WDR62: variants seen among roughly 807,000 people sequenced by gnomAD.
WDR62 encodes the protein WD repeat-containing protein 62.
In WDR62, 112 loss-of-function variants were observed where a neutral mutation model predicts 160.6. The ratio of observed to expected loss-of-function variants is 0.70; its 90% CI spans 0.60 to 0.82. The LOEUF (loss-of-function observed/expected upper bound fraction) is 0.82. WDR62 is among the 40% of genes least tolerant of loss of function. The pLI, the probability that WDR62 is intolerant of heterozygous loss-of-function variation, is 0.00. For synonymous variants in WDR62, 792 were observed against 815.1 expected (o/e 0.97, Z 0.48); for missense variants, 1,819 against 1,983.8 (o/e 0.92, Z 1.58).
In WDR62 at chr19:36,073,515, A is replaced by G. The variant is rs1163937117; in HGVS notation, c.1217A>G (p.Tyr406Cys). 2.5e-6 allele frequency: 4 copies of G among 1,613,500 alleles called. No individual in the cohort carries two copies. ...KVWSELFHSS[Y>C]VWNVEVYPEF... Reference sequence around the variant, plus strand: ...TGGTCAGAGCTCTTCCACAGCTCCTACGTTTGGAACGTGGAGGTGAGCCCC... The same window carrying G: ...TGGTCAGAGCTCTTCCACAGCTCCTGCGTTTGGAACGTGGAGGTGAGCCCC... The change falls in exon 9 of 32, where the codon TAC (tyrosine) becomes TGC (cysteine). Residue 406 changes from tyrosine (Y) to cysteine (C), a missense_variant. Tyr to Cys is a radical substitution (Grantham distance 194). Around this residue, in one of 3 missense-constraint regions of WDR62, gnomAD observed 934 missense variants for 1,157.2 expected, o/e 0.81. Coordinates refer to ENST00000401500, the MANE Select transcript of WDR62 (RefSeq NM_001083961.2).
intron 15 of WDR62, 85 bp downstream of exon 15, chr19:36,089,391 C>CA (rs1251271372): frequency 9.3e-6 from 15 of 1,607,242 alleles, no homozygotes; most frequent in Non-Finnish European, 1.2e-5. Context: ...CTCTGGTCCC[C>CA]AAGAAGCTGG....
chr19:36,059,747 C>A (rs1353947680), intron 2 of WDR62, among the ~76,000 whole-genome samples: 4 of 152,162 alleles, frequency 2.6e-5, no homozygotes, highest in African/African-American at 9.7e-5. Flanking sequence ...TAGGGCCTGA[C>A]AGACATTACC....
At position 36,060,032 on chromosome 19, in the gene WDR62, T is replaced by G. The variant is rs1345475316; in HGVS notation, c.332+2T>G. 1 of 1,614,178 alleles carries G rather than the reference T, an allele frequency of 6.2e-7. No homozygotes were observed. The highest frequency in any genetic ancestry group is 1.1e-5 in the South Asian group (1 of 91,082). ...GCAGCACATCTTTAACACCGCCAGG[T>G]AGGCTGAGGCCTGGGCCCGGGGCAG... On this transcript the variant is annotated splice_donor_variant, in intron 3 of 31. Coordinates refer to ENST00000401500, the MANE Select transcript of WDR62 (RefSeq NM_001083961.2). LOFTEE classifies it high-confidence loss of function.
In WDR62 at chr19:36,067,860, G is replaced by C; in HGVS notation, c.732G>C (p.Ser244=). ...GCACAGTGCCCCTTGTAGGGCGCTC[G>C]GGCATCCTGGGCGAGCTGCACAACA... ...VTSTVPLVGR[S]GILGELHNNI... is the part of the protein sequence containing the mutation. The change falls in exon 7 of 32, where the codon TCG becomes TCC. Residue 244 remains serine, a synonymous_variant. Transcript: ENST00000401500. 6.2e-7 allele frequency: 1 copy of C among 1,614,188 alleles called. No individual in the cohort carries two copies.
intron 22 of WDR62, 129 bp from the exon 23 acceptor site, chr19:36,100,619 C>G (rs769603226): frequency 3.6e-6 from 5 of 1,394,484 alleles, no homozygotes; most frequent in Non-Finnish European, 5.0e-6. Flanking sequence ...AAGCTGGTTG[C>G]GAGTGGAGGG....
rs768435637 is a variant in WDR62 at position 36,073,517 on chromosome 19, G to A, written c.1219G>A (p.Val407Ile). 38 of 1,613,276 alleles carry A rather than the reference G, an allele frequency of 2.4e-5. No individual in the cohort carries two copies. Among genetic ancestry groups the A allele is most frequent in the Admixed American group, 1.0e-4 (6 of 59,954 alleles). ...GTCAGAGCTCTTCCACAGCTCCTAC[G>A]TTTGGAACGTGGAGGTGAGCCCCCC... is the stretch of plus-strand genomic sequence containing the variant. The part of the protein sequence containing the change: ...VWSELFHSSY[V>I]WNVEVYPEFE... The change falls in exon 9 of 32, where the codon GTT becomes ATT. Residue 407 changes from valine to isoleucine, a missense_variant. Around this residue, in one of 3 missense-constraint regions of WDR62, gnomAD observed 934 missense variants for 1,157.2 expected, o/e 0.81. Coordinates refer to ENST00000401500, the MANE Select transcript of WDR62 (RefSeq NM_001083961.2).
chr19:36,108,671 T>C (rs964912236), downstream of WDR62, among the ~76,000 whole-genome samples: 4 of 151,790 alleles, frequency 2.6e-5, no homozygotes, highest in African/African-American at 4.8e-5. Flanking sequence ...CTAGGCAACA[T>C]AGCAAGACTC....
Position 36,103,593 on chromosome 19 carries a change from T to C in WDR62, c.3765T>C (p.Val1255=). 2.5e-6 allele frequency: 4 copies of C among 1,613,210 alleles called. No homozygotes were observed. Among genetic ancestry groups the C allele is most frequent in the Non-Finnish European group, 3.4e-6 (4 of 1,179,980 alleles). Reference sequence around the variant, plus strand: ...AGCCCCTCCGTAGGCCATCGTCCGTTGGGGAGCTGGCCTCCTTGGGCCAGG... The same window carrying C: ...AGCCCCTCCGTAGGCCATCGTCCGTCGGGGAGCTGGCCTCCTTGGGCCAGG... The part of the protein sequence containing the change: ...LAQPLRRPSS[V]GELASLGQEL... The change falls in exon 30 of 32, where the codon GTT becomes GTC. Residue 1255 remains valine, a synonymous_variant. Coordinates refer to ENST00000401500, the MANE Select transcript of WDR62 (RefSeq NM_001083961.2).
chr19:36,103,672 G>C lies in WDR62; in HGVS notation c.3844G>C (p.Glu1282Gln), dbSNP rs1242366944. 1 of 1,610,352 alleles carries C rather than the reference G, an allele frequency of 6.2e-7. No homozygotes were observed. The highest frequency in any genetic ancestry group is 8.5e-7 in the Non-Finnish European group (1 of 1,180,014). ...TTPSLDSEGQ[E>Q]PALRSWGNHE... ...ACCCAGTTTGGACAGTGAGGGCCAA[G>C]AGCCTGCCCTGCGTTCCTGGGGCAA... Residue 1282 changes from glutamate to glutamine, a missense_variant, in exon 30 of 32, where the codon GAG becomes CAG. By Grantham distance (29) the Glu-to-Gln change is conservative. This residue lies in a region of WDR62 where 770 missense variants were observed against 734.2 expected (regional missense o/e 1.05). Transcript: ENST00000401500.
In WDR62 at chr19:36,081,477, A is replaced by T. The variant is rs750179682; in HGVS notation, c.1278A>T (p.Gly426=). ...FEDQRACLPS[G]SFLTCSSDNT... is the part of the protein sequence containing the mutation. ...ACCAGAGAGCTTGTTTGCCATCAGG[A>T]TCCTTTCTGACTTGTTCTTCAGACA... The change falls in exon 10 of 32, where the codon GGA becomes GGT. Residue 426 remains glycine (G), a synonymous_variant. Transcript: ENST00000401500. The T allele has an allele frequency of 6.2e-7, 1 of 1,614,074 alleles. No homozygotes were observed. The highest frequency in any genetic ancestry group is 8.5e-7 in the Non-Finnish European group (1 of 1,180,010).
At position 36,065,011 on chromosome 19, in the gene WDR62, A is replaced by T. The variant is rs143993203; in HGVS notation, c.333-947A>T. On this transcript the variant is annotated intron_variant, in intron 3 of 31. Coordinates refer to ENST00000401500, the MANE Select transcript of WDR62 (RefSeq NM_001083961.2). ...GGGGAACTGGTAGGAAGCAGGGCAAAGGGTTCCCTTTGACGAGTATTTCAG... is the reference window on the plus strand; with the variant it reads ...GGGGAACTGGTAGGAAGCAGGGCAATGGGTTCCCTTTGACGAGTATTTCAG... Among the ~76,000 whole-genome samples the T allele has an allele frequency of 5.9e-5, 9 of 152,290 alleles. No homozygotes were observed. In the East Asian group the frequency reaches 1.7e-3, roughly 29 times the overall value.
At chr19:36,101,340 C>T (rs553145658) in intron 24 of WDR62, 23 bp downstream of exon 24, 1 of 1,589,536 alleles carries the variant, frequency 6.3e-7, no homozygotes, top group African/African-American at 1.3e-5. Context: ...CAGGCAGGGA[C>T]CCTGTGACAG....
chr19:36,066,113 C>T, intron 4 of WDR62, 98 bp downstream of exon 4: 3 of 1,572,364 alleles, frequency 1.9e-6, no homozygotes, highest in Non-Finnish European at 2.6e-6. Context: ...TGGAATAGCT[C>T]CTTCCTGGGC....
chr19:36,086,114 A>G lies in WDR62; in HGVS notation c.1643-573A>G, dbSNP rs373437583. On this transcript the variant is annotated intron_variant, in intron 12 of 31. Coordinates refer to ENST00000401500, the MANE Select transcript of WDR62 (RefSeq NM_001083961.2). Reference sequence around the variant, plus strand: ...TTCTTCTTTCGTTCTCTCATCCCCCATGCTGTGTGCCCCACCAACTTGTCT... The same window carrying G: ...TTCTTCTTTCGTTCTCTCATCCCCCGTGCTGTGTGCCCCACCAACTTGTCT... Among the ~76,000 whole-genome samples the G allele has an allele frequency of 7.9e-5, 12 of 151,876 alleles. No homozygotes were observed. In the East Asian group the frequency reaches 1.4e-3, roughly 17 times the overall value.
rs1052222804 is a variant in WDR62 at position 36,086,923 on chromosome 19, C to T, written c.1768+111C>T. 6.4e-6 allele frequency: 9 copies of T among 1,413,410 alleles called. No individual in the cohort carries two copies. The Admixed American group carries it at 8.0e-5, about 13-fold the overall frequency. The allele number at this position is 1,413,410 out of a possible 1,614,324, so 87.6% of individuals were successfully genotyped here. A position where few individuals can be genotyped will look rare whatever the true frequency, so the allele number is the denominator to read the frequency against. On this transcript the variant is annotated intron_variant, in intron 13 of 31. Coordinates refer to ENST00000401500, the MANE Select transcript of WDR62 (RefSeq NM_001083961.2). ...ATATCCAAACAAGTGAATACAGTAT[C>T]TGTGTACAGTATACAGAATAATGAC...
intron 9 of WDR62, chr19:36,075,851 AC>A (rs1971546428): frequency 3.3e-5 from 5 of 152,198 alleles, no homozygotes; most frequent in Admixed American, 3.3e-4. Context: ...TGGACTACTT[AC>A]GTGAAGAGAT....
intron 21 of WDR62, among the ~76,000 whole-genome samples, chr19:36,098,289 G>C (rs566924842): frequency 6.6e-6 from 1 of 151,804 alleles, no homozygotes; most frequent in Non-Finnish European, 1.5e-5. Flanking sequence ...AAAAGAGACC[G>C]GGTGCGGTGG....
At position 36,103,438 on chromosome 19, in the gene WDR62, G is replaced by A; in HGVS notation, c.3610G>A (p.Gly1204Ser). ...AACGCCCACATCTGCACCCACCCCA[G>A]GCCTGGCTCAGGGTGTCCATGCCCC... ...LPTPTSAPTP[G>S]LAQGVHAPST... Residue 1204 changes from glycine to serine, a missense_variant, in exon 30 of 32, where the codon GGC becomes AGC. Around this residue, in one of 3 missense-constraint regions of WDR62, gnomAD observed 770 missense variants for 734.2 expected, o/e 1.05. Coordinates refer to ENST00000401500, the MANE Select transcript of WDR62 (RefSeq NM_001083961.2). 6.2e-7 allele frequency: 1 copy of A among 1,614,128 alleles called. No homozygotes were observed. Among genetic ancestry groups the A allele is most frequent in the Admixed American group, 1.7e-5 (1 of 60,014 alleles).
chr19:36,081,349 C>CT (rs879198311), intron 9 of WDR62, 84 bp from the exon 10 acceptor site: 27,276 of 1,062,874 alleles, frequency 0.026, no homozygotes, highest in Non-Finnish European at 0.03. Context: ...CTTTAACTTA[C>CT]TTTTTTTTTT....
Sources: allele counts gnomAD v4.1 joint callset (sites outside exome capture counted in the v4.1 genomes callset), GRCh38; gene constraint gnomAD v4.1.1; regional missense constraint gnomAD v4.1.1; transcripts MANE v1.5; gene names NCBI Gene and HGNC (gene_info 2026-07-23, HGNC 2026-07-21).